RSPH3: variants seen among roughly 807,000 people sequenced by gnomAD.
RSPH3 encodes radial spoke head 3.
In RSPH3, 21 loss-of-function variants were observed where a neutral mutation model predicts 43.8. That is an observed-to-expected ratio of 0.48 (90% CI 0.34 to 0.69). The LOEUF is 0.69. Among genes scored for constraint, RSPH3 ranks in the 30% least tolerant of loss-of-function variants. The pLI, the probability that RSPH3 is intolerant of heterozygous loss-of-function variation, is 0.01. For missense variants in RSPH3, 487 were observed against 516.0 expected, an observed-to-expected ratio of 0.94 and a Z score of 0.54; for synonymous variants, 173 against 179.8, an observed-to-expected ratio of 0.96 and a Z score of 0.30.
chr6:158,979,338 A>G (rs2128605727), intron 6 of RSPH3, among the ~76,000 whole-genome samples: 1 of 152,310 alleles, frequency 6.6e-6, no homozygotes. Context: ...AAGCTTTTAA[A>G]TGATCTATAA....
Position 158,980,915 on chromosome 6 carries a change from A to G in RSPH3, c.718T>C (p.Trp240Arg), listed in dbSNP as rs755545060. Residue 240 changes from tryptophan to arginine, a missense_variant, in exon 6 of 8, where the codon TGG becomes CGG. Coordinates refer to ENST00000367069, the MANE Select transcript of RSPH3 (RefSeq NM_031924.8). ...EEKERRKKQQ[W>R]EIMHKHNETS... Reference sequence around the variant, plus strand: ...TCGTTGTGCTTGTGCATTATTTCCCACTGCTGTTTCTTACGCCGTTCCTGC... The same window carrying G: ...TCGTTGTGCTTGTGCATTATTTCCCGCTGCTGTTTCTTACGCCGTTCCTGC... The G allele has an allele frequency of 9.9e-6, 16 of 1,613,826 alleles. No homozygotes were observed. In the African/African-American group the frequency reaches 2.1e-4, roughly 22 times the overall value.
the RSPH3 span, among the ~76,000 whole-genome samples, chr6:158,963,809 C>T: frequency 5.9e-5 from 9 of 152,156 alleles, no homozygotes; most frequent in Non-Finnish European, 8.8e-5. Context: ...CCAGGCTGGT[C>T]TCAAACTCTT....
chr6:158,993,267 G>A (rs1778479611), intron 2 of RSPH3, among the ~76,000 whole-genome samples: 1 of 151,836 alleles, frequency 6.6e-6, no homozygotes, highest in Non-Finnish European at 1.5e-5. Context: ...ACAGGCGAGC[G>A]CCACCACACC....
Position 158,986,290 on chromosome 6 carries a change from A to G in RSPH3, c.336T>C (p.Asp112=), listed in dbSNP as rs1469244347. 7 of 1,613,914 alleles carry G rather than the reference A, an allele frequency of 4.3e-6. No individual in the cohort carries two copies. The Admixed American group carries it at 1.2e-4, about 27-fold the overall frequency. The change falls in exon 3 of 8, where the codon GAT becomes GAC. Residue 112 remains aspartate (D), a synonymous_variant. Coordinates refer to ENST00000367069, the MANE Select transcript of RSPH3 (RefSeq NM_031924.8). ...GGCACAGTCACACACCTGTTTGCAC[A>G]TCGACATGCTTTCTGCCTTCCACAG... is the stretch of plus-strand genomic sequence containing the variant. ...PEPVEGRKHV[D]VQTELYLEEI... is the part of the protein sequence containing the mutation.
In RSPH3 at chr6:158,980,428, C is replaced by CAA. The variant is rs201038721; in HGVS notation, c.859+344_859+345dup. Among the ~76,000 whole-genome samples the CAA allele has an allele frequency of 3.8e-3, 420 of 111,764 alleles. 4 individuals are homozygous for CAA. Among genetic ancestry groups the CAA allele is most frequent in the African/African-American group, 0.013 (400 of 30,034 alleles). The allele number at this position is 111,764 out of a possible 152,430, so 73.3% of individuals were successfully genotyped here. A position where few individuals can be genotyped will look rare whatever the true frequency, so the allele number is the denominator to read the frequency against. ...TGGGCAAAAGAATGAGACTCTGTCT[C>CAA]AAAAAAAAAAAAAAAAATTCCTCAT... On this transcript the variant is annotated intron_variant, in intron 6 of 7. Transcript: ENST00000367069.
chr6:158,972,303 T>G (rs1161745186), downstream of RSPH3, among the ~76,000 whole-genome samples: 1 of 152,168 alleles, frequency 6.6e-6, no homozygotes, highest in East Asian at 1.9e-4. Flanking sequence ...CTTAAAGTGA[T>G]GAAACAAAGA....
intron 1 of RSPH3, among the ~76,000 whole-genome samples, chr6:158,997,016 C>A (rs1298873016): frequency 6.6e-6 from 1 of 152,114 alleles, no homozygotes; most frequent in African/African-American, 2.4e-5. Flanking sequence ...CCAGAGACAG[C>A]AAGTTGCTAC....
intron 3 of RSPH3, among the ~76,000 whole-genome samples, chr6:158,985,798 T>C (rs1474391336): frequency 6.8e-6 from 1 of 147,846 alleles, no homozygotes; most frequent in Non-Finnish European, 1.5e-5. Context: ...GTCTATGTAT[T>C]TCTCTCTCTC....
intron 1 of RSPH3, among the ~76,000 whole-genome samples, chr6:158,998,914 C>T (rs1476113307): frequency 6.6e-6 from 1 of 151,960 alleles, no homozygotes; most frequent in Non-Finnish European, 1.5e-5. Context: ...ACCACCACCA[C>T]AAAAAACCAA....
chr6:158,986,411 G>C lies in RSPH3; in HGVS notation c.215C>G (p.Pro72Arg). Residue 72 changes from proline (P) to arginine (R), a missense_variant, in exon 3 of 8, where the codon CCT (proline) becomes CGT (arginine). Physicochemically the swap from Pro to Arg is moderately radical, Grantham distance 103. Transcript: ENST00000367069. The stretch of plus-strand genomic sequence containing the variant: ...TTGTCTCTGGAGCTCTAGAGAATCA[G>C]GCCGTCCGAGCTAACAGTGATAGAA... ...ALQTGPLLGRPDSLELQRQRE... is the reference protein window; with the variant it reads ...ALQTGPLLGRRDSLELQRQRE... The C allele has an allele frequency of 6.2e-7, 1 of 1,613,034 alleles. No individual in the cohort carries two copies. The highest frequency in any genetic ancestry group is 8.5e-7 in the Non-Finnish European group (1 of 1,179,600).
In RSPH3 at chr6:158,980,719, C is replaced by T. The variant is rs1024800821; in HGVS notation, c.859+55G>A. 2.8e-5 allele frequency: 38 copies of T among 1,359,760 alleles called. No homozygotes were observed. In the African/African-American group the frequency reaches 5.4e-4, roughly 19 times the overall value. 84.2% of individuals were successfully genotyped at this position (1,359,760 alleles called of 1,614,324 possible). A position where few individuals can be genotyped will look rare whatever the true frequency, so the allele number is the denominator to read the frequency against. On this transcript the variant is annotated intron_variant, in intron 6 of 7. Transcript: ENST00000367069. The stretch of plus-strand genomic sequence containing the variant: ...AAAATGGACATAAGATAAATTTGAA[C>T]CATTAAGAGGATGCTTATTACAACA...
the RSPH3 span, among the ~76,000 whole-genome samples, chr6:158,966,026 T>C: frequency 3.9e-5 from 6 of 152,200 alleles, no homozygotes; most frequent in Non-Finnish European, 7.4e-5. Context: ...GTTTCTGTTA[T>C]TATATTAATA....
chr6:158,989,589 G>A lies in RSPH3; in HGVS notation c.205-3168C>T, dbSNP rs970041750. ...CTGATTTGGTGTTTCCTTTGGTTGA[G>A]TTATACAGCAGAGTGTCCAGGGCTG... is the stretch of plus-strand genomic sequence containing the variant. On this transcript the variant is annotated intron_variant, in intron 2 of 7. Coordinates refer to ENST00000367069, the MANE Select transcript of RSPH3 (RefSeq NM_031924.8). This position sits in a 1 kb window ranked among gnomAD's most constrained non-coding sequence, Gnocchi z 4.3. Among the ~76,000 whole-genome samples, 32 of 152,152 alleles carry A rather than the reference G, an allele frequency of 2.1e-4. No individual in the cohort carries two copies. The highest frequency in any genetic ancestry group is 6.5e-4 in the African/African-American group (27 of 41,414).
At chr6:158,963,897 C>T in the RSPH3 span, among the ~76,000 whole-genome samples, 3 of 152,178 alleles carry the variant, frequency 2.0e-5, no homozygotes, top group Non-Finnish European at 2.9e-5. Flanking sequence ...TCCAAATAGC[C>T]TCAATAAAAT....
chr6:158,971,117 T>G (rs1262290869), downstream of RSPH3, among the ~76,000 whole-genome samples: 1 of 152,142 alleles, frequency 6.6e-6, no homozygotes, highest in Non-Finnish European at 1.5e-5. Flanking sequence ...GATGCGGTTT[T>G]ATTGTGGGGG....
At chr6:158,983,515 T>G in intron 4 of RSPH3, 147 bp downstream of exon 4, 1 of 705,808 alleles carries the variant, frequency 1.4e-6, no homozygotes, top group Non-Finnish European at 2.5e-6. Flanking sequence ...TACTATATGA[T>G]AAAACCATTA....
chr6:158,987,267 C>A (rs1412184422), intron 2 of RSPH3, among the ~76,000 whole-genome samples: 3 of 152,096 alleles, frequency 2.0e-5, no homozygotes, highest in African/African-American at 7.2e-5. Context: ...TGTAGTTTAT[C>A]TGATGTAAGT....
the RSPH3 span, among the ~76,000 whole-genome samples, chr6:158,964,403 C>A: frequency 6.6e-6 from 1 of 152,120 alleles, no homozygotes; most frequent in Non-Finnish European, 1.5e-5. Flanking sequence ...ATTTTTAGGA[C>A]CTGGAGTCCA....
downstream of RSPH3, among the ~76,000 whole-genome samples, chr6:158,970,031 G>A (rs990173444): frequency 2.6e-5 from 4 of 151,332 alleles, no homozygotes; most frequent in Admixed American, 6.6e-5. Flanking sequence ...TCTATTGACT[G>A]CTTTTTCTGA....
Sources: gnomAD v4.1 joint callset for allele counts (sites outside exome capture counted in the v4.1 genomes callset) on GRCh38, gnomAD v4.1.1 for gene constraint, Gnocchi (gnomAD v3.1) non-coding constraint, MANE v1.5 for transcripts, NCBI Gene and HGNC (gene_info 2026-07-23, HGNC 2026-07-21) for gene names.